The following DYNLT5 variants were observed in gnomAD, a reference collection of about 807,000 sequenced individuals.
DYNLT5 encodes the protein dynein light chain Tctex-type family member 5.
Under a neutral mutation model 19.3 loss-of-function variants are expected in DYNLT5, and 25 were observed. The ratio of observed to expected loss-of-function variants is 1.30; its 90% CI spans 0.95 to 1.81. The LOEUF (loss-of-function observed/expected upper bound fraction) is 1.81, where lower values mean the gene tolerates loss of function less well. Among genes scored for constraint, DYNLT5 ranks in the 40% most tolerant of loss-of-function variants. The probability of loss-of-function intolerance (pLI) is 0.00; values close to 1 mark genes in which losing one functional copy is unlikely to be tolerated. For synonymous variants in DYNLT5, 82 were observed against 68.9 expected, an observed-to-expected ratio of 1.19 and a Z score of -0.94; for missense variants, 232 against 217.9, an observed-to-expected ratio of 1.06 and a Z score of -0.41.
chr1:66,778,613 G>C lies in DYNLT5; in HGVS notation c.*1159G>C, dbSNP rs770946048. 19 of 152,562 alleles carry C rather than the reference G, an allele frequency of 1.2e-4. No individual in the cohort carries two copies. Among genetic ancestry groups the C allele is most frequent in the Non-Finnish European group, 2.1e-4 (14 of 68,024 alleles). 9.5% of individuals were successfully genotyped at this position (152,562 alleles called of 1,614,324 possible). On this transcript the variant is annotated 3_prime_UTR_variant, in exon 5 of 5. Coordinates refer to ENST00000282670, the MANE Select transcript of DYNLT5 (RefSeq NM_152665.3). ...AATGCTGTAGTCTTAAGGAAAAAAT[G>C]ATTTATCATTCATATCAAAAAGAGT...
In DYNLT5 at chr1:66,776,290, C is replaced by A; in HGVS notation, c.223C>A (p.His75Asn). 1 of 1,611,658 alleles carries A rather than the reference C, an allele frequency of 6.2e-7. No homozygotes were observed. Among genetic ancestry groups the A allele is most frequent in the Non-Finnish European group, 8.5e-7 (1 of 1,179,134 alleles). The change falls in exon 4 of 5, where the codon CAT becomes AAT. Residue 75 changes from histidine to asparagine, a missense_variant. Physicochemically the swap from His to Asn is moderately conservative, Grantham distance 68. Coordinates refer to ENST00000282670, the MANE Select transcript of DYNLT5 (RefSeq NM_152665.3). ...ATGTGTATTTTCAGGTCCTCCCAAA[C>A]ATTTTCCTGTGGTCACCGTCAATCA... ...ENTYQLGPPKHFPVVTVNHIL... is the reference protein window; with the variant it reads ...ENTYQLGPPKNFPVVTVNHIL...
chr1:66,754,077 C>T (rs1263010850), intron 1 of DYNLT5, among the ~76,000 whole-genome samples: 1 of 151,860 alleles, frequency 6.6e-6, no homozygotes. Flanking sequence ...CCTATCTCTA[C>T]AAAAAATTAA....
chr1:66,756,660 T>C (rs1004158239), intron 2 of DYNLT5, among the ~76,000 whole-genome samples: 1 of 152,202 alleles, frequency 6.6e-6, no homozygotes, highest in African/African-American at 2.4e-5. Flanking sequence ...TCTACCACTT[T>C]ACTATGAAAT....
intron 3 of DYNLT5, chr1:66,770,903 G>A (rs1051731248): frequency 1.7e-5 from 4 of 229,386 alleles, no homozygotes; most frequent in Admixed American, 5.4e-5. Context: ...TGACAGAGAC[G>A]TTTATCCATT....
At chr1:66,771,891 G>C (rs1288070713) in intron 3 of DYNLT5, among the ~76,000 whole-genome samples, 1 of 152,186 alleles carries the variant, frequency 6.6e-6, no homozygotes, top group Non-Finnish European at 1.5e-5. Context: ...AGTTTTAGAA[G>C]TACTGAGTAT....
In DYNLT5 at chr1:66,759,765, G is replaced by A. The variant is rs552123039; in HGVS notation, c.119+4988G>A. Among the ~76,000 whole-genome samples the A allele has an allele frequency of 6.6e-5, 10 of 152,292 alleles. No individual in the cohort carries two copies. In the South Asian group the frequency reaches 8.3e-4, roughly 13 times the overall value. ...GCATGTGAGAGTAAAACCTGATATC[G>A]CCATTTGGCAAAGAAAGTTAATGGT... On this transcript the variant is annotated intron_variant, in intron 2 of 4. Transcript: ENST00000282670.
intron 2 of DYNLT5, among the ~76,000 whole-genome samples, chr1:66,766,116 A>G (rs2094654482): frequency 1.3e-5 from 2 of 152,160 alleles, no homozygotes; most frequent in African/African-American, 4.8e-5. Context: ...TTTCTTTCTA[A>G]AACTTTATAA....
At chr1:66,762,393 A>G (rs2094647528) in intron 2 of DYNLT5, among the ~76,000 whole-genome samples, 1 of 152,152 alleles carries the variant, frequency 6.6e-6, no homozygotes, top group Non-Finnish European at 1.5e-5. Flanking sequence ...ACTAGAACTT[A>G]TTTCTCCTAT....
At chr1:66,756,323 T>G (rs565486816) in intron 2 of DYNLT5, among the ~76,000 whole-genome samples, 1 of 152,200 alleles carries the variant, frequency 6.6e-6, no homozygotes, top group South Asian at 2.1e-4. Context: ...TTTAGGAGGC[T>G]CCCCCACCCC....
chr1:66,766,177 C>T (rs188529072), intron 2 of DYNLT5, among the ~76,000 whole-genome samples: 92 of 152,196 alleles, frequency 6.0e-4, no homozygotes, highest in Non-Finnish European at 1.0e-3. Flanking sequence ...TAAATGCCAG[C>T]AAGCTGGTAA....
intron 2 of DYNLT5, 42 bp from the exon 3 acceptor site, chr1:66,770,345 G>A (rs1390464581): frequency 1.6e-6 from 2 of 1,243,152 alleles, no homozygotes; most frequent in African/African-American, 1.5e-5. Flanking sequence ...TGTTATTATT[G>A]TTATAATAAT....
intron 2 of DYNLT5, among the ~76,000 whole-genome samples, chr1:66,769,587 A>T (rs1303902969): frequency 6.6e-6 from 1 of 152,044 alleles, no homozygotes; most frequent in Non-Finnish European, 1.5e-5. Context: ...CTTTGAAATG[A>T]CATCTGTCTT....
At chr1:66,760,674 G>A (rs558750) in intron 2 of DYNLT5, among the ~76,000 whole-genome samples, 2,162 of 152,296 alleles carry the variant, frequency 0.014, 18 homozygotes, top group Non-Finnish European at 0.025. Context: ...CCTCCTTGAT[G>A]ATCTCCACAG....
intron 2 of DYNLT5, chr1:66,755,870 A>G (rs1048506265): frequency 6.6e-6 from 1 of 152,226 alleles, no homozygotes; most frequent in African/African-American, 2.4e-5. Context: ...AAATTATTTA[A>G]AACTGATTGT....
At chr1:66,763,442 C>G (rs1247679596) in intron 2 of DYNLT5, among the ~76,000 whole-genome samples, 2 of 152,202 alleles carry the variant, frequency 1.3e-5, no homozygotes, top group African/African-American at 4.8e-5. Context: ...AGGCATTGAC[C>G]TCTCTCTAGC....
rs554517307 is a variant in DYNLT5, at chr1:66,778,829, G to A, written c.*1375G>A. 11 of 151,938 alleles carry A rather than the reference G, an allele frequency of 7.2e-5. No individual in the cohort carries two copies. Among genetic ancestry groups the A allele is most frequent in the Admixed American group, 7.2e-4 (11 of 15,260 alleles). 9.4% of individuals were successfully genotyped at this position (151,938 alleles called of 1,614,324 possible). A position where few individuals can be genotyped will look rare whatever the true frequency, so the allele number is the denominator to read the frequency against. On this transcript the variant is annotated 3_prime_UTR_variant, in exon 5 of 5. Coordinates refer to ENST00000282670, the MANE Select transcript of DYNLT5 (RefSeq NM_152665.3). ...CTTTTTTTTTTCTGTTAGTGCATTAGTGGGAATATGTCTATGTAATAATTT... is the reference window on the plus strand; with the variant it reads ...CTTTTTTTTTTCTGTTAGTGCATTAATGGGAATATGTCTATGTAATAATTT...
chr1:66,775,666 G>A (rs1645229863), intron 3 of DYNLT5: 1 of 152,274 alleles, frequency 6.6e-6, no homozygotes, highest in African/African-American at 2.4e-5. Context: ...TACCTGAGAG[G>A]AGGTAGAGTG....
At chr1:66,770,729 T>C in intron 3 of DYNLT5, 1 of 552,928 alleles carries the variant, frequency 1.8e-6, no homozygotes, top group South Asian at 1.8e-5. Flanking sequence ...ATGCATACAG[T>C]ATACTACTGA....
chr1:66,756,418 G>A (rs111667197), intron 2 of DYNLT5, among the ~76,000 whole-genome samples: 2 of 152,248 alleles, frequency 1.3e-5, no homozygotes, highest in African/African-American at 4.8e-5. Context: ...CTTCATGAAT[G>A]AGGCTTCAAC....
Sources: allele counts gnomAD v4.1 joint callset (sites outside exome capture counted in the v4.1 genomes callset), GRCh38; gene constraint gnomAD v4.1.1; transcripts MANE v1.5; gene names NCBI Gene and HGNC (gene_info 2026-07-23, HGNC 2026-07-21).